The following ITIH5 variants were observed in gnomAD, a reference collection of about 807,000 sequenced individuals.
ITIH5 encodes the protein inter-alpha-trypsin inhibitor heavy chain 5, also known as inter-alpha-trypsin inhibitor heavy chain H5.
Under a neutral mutation model 77.5 loss-of-function variants are expected in ITIH5, and 65 were observed. That is an observed-to-expected ratio of 0.84 (90% CI 0.69 to 1.03). The LOEUF is 1.03. ITIH5 is among the 50% of genes least tolerant of loss of function. The pLI, the probability that ITIH5 is intolerant of heterozygous loss-of-function variation, is 0.00. For missense variants in ITIH5, 1,208 were observed against 1,213.1 expected, an observed-to-expected ratio of 1.00 and a Z score of 0.06; for synonymous variants, 525 against 494.3, an observed-to-expected ratio of 1.06 and a Z score of -0.82.
At chr10:7,582,082 G>A (rs181040128) in intron 8 of ITIH5, among the ~76,000 whole-genome samples, 91 of 151,780 alleles carry the variant, frequency 6.0e-4, no homozygotes, top group Middle Eastern at 3.4e-3. Flanking sequence ...TCACCATGTT[G>A]GCCAGGCTGG....
In ITIH5 at chr10:7,566,034, C is replaced by T; in HGVS notation, c.2523G>A (p.Leu841=). Residue 841 remains leucine, a synonymous_variant, in exon 13 of 14, where the codon CTG becomes CTA. Coordinates refer to ENST00000397146, the MANE Select transcript of ITIH5 (RefSeq NM_030569.7). ...SEGLSSNCHG[L]LGQFLNQDAR... is the part of the protein sequence containing the mutation. ...GAGGAGAGCGCAGCTTCCTACCCAG[C>T]AGTCCGTGGCAGTTGCTGGAAAGGC... 6.2e-7 allele frequency: 1 copy of T among 1,613,172 alleles called. No individual in the cohort carries two copies. Among genetic ancestry groups the T allele is most frequent in the Non-Finnish European group, 8.5e-7 (1 of 1,179,448 alleles).
In ITIH5 at chr10:7,640,814, C is replaced by G; in HGVS notation, c.341G>C (p.Arg114Thr). Reference sequence around the variant, plus strand: ...TACCCTATCACCACTCTTCTTTTCTCTCTCTGTAATTTCGCCCTGATACAC... The same window carrying G: ...TACCCTATCACCACTCTTCTTTTCTGTCTCTGTAATTTCGCCCTGATACAC... ...DKVYQGEITEREKKSGDRVKE... is the reference protein window; with the variant it reads ...DKVYQGEITETEKKSGDRVKE... The change falls in exon 4 of 14, where the codon AGA (arginine) becomes ACA (threonine). Residue 114 changes from arginine to threonine, a missense_variant. By Grantham distance (71) the Arg-to-Thr change is moderately conservative. Coordinates refer to ENST00000397146, the MANE Select transcript of ITIH5 (RefSeq NM_030569.7). 1 of 1,613,440 alleles carries G rather than the reference C, an allele frequency of 6.2e-7. No individual in the cohort carries two copies. Among genetic ancestry groups the G allele is most frequent in the East Asian group, 2.2e-5 (1 of 44,866 alleles).
At position 7,566,217 on chromosome 10, in the gene ITIH5, C is replaced by G. The variant is rs745690762; in HGVS notation, c.2340G>C (p.Val780=). 7.4e-6 allele frequency: 12 copies of G among 1,613,808 alleles called. No individual in the cohort carries two copies. Among genetic ancestry groups the G allele is most frequent in the Non-Finnish European group, 8.5e-6 (10 of 1,179,926 alleles). Reference sequence around the variant, plus strand: ...ACACCTCCAGCCCCCAGCTCCCCACCACCACACTCTGGTTGCAGGGGAGCA... The same window carrying G: ...ACACCTCCAGCCCCCAGCTCCCCACGACCACACTCTGGTTGCAGGGGAGCA... ...RLVLPCNQSV[V]VGSWGLEVSV... Residue 780 remains valine (V), a synonymous_variant, in exon 13 of 14, where the codon GTG becomes GTC. Coordinates refer to ENST00000397146, the MANE Select transcript of ITIH5 (RefSeq NM_030569.7).
rs181584413 is a variant in ITIH5 at position 7,570,561 on chromosome 10, T to A, written c.2033-777A>T. Among the ~76,000 whole-genome samples, 404 of 152,350 alleles carry A rather than the reference T, an allele frequency of 2.7e-3. 1 individual carries two copies. Among genetic ancestry groups the A allele is most frequent in the African/African-American group, 9.2e-3 (384 of 41,582 alleles). ...ACAGAAGATTTCTTGAGAATCTATA[T>A]CAATTCTCTTACCAGATTGGAGATT... is the stretch of plus-strand genomic sequence containing the variant. On this transcript the variant is annotated intron_variant, in intron 11 of 13. Coordinates refer to ENST00000397146, the MANE Select transcript of ITIH5 (RefSeq NM_030569.7).
At chr10:7,629,341 ATGTTGTAGCGTGTGTCCC>A (rs1564269780) in intron 5 of ITIH5, among the ~76,000 whole-genome samples, 12 of 68,510 alleles carry the variant, frequency 1.8e-4, no homozygotes, top group South Asian at 9.1e-4. Context: ...GCGTGTGCCC[ATGTTGTAGCGTGTGTCCC>A]TGTTGTAGCG....
intron 13 of ITIH5, among the ~76,000 whole-genome samples, chr10:7,565,659 CACAT>C (rs1293818046): frequency 6.7e-5 from 10 of 148,480 alleles, no homozygotes; most frequent in East Asian, 5.8e-4. Flanking sequence ...TATATACACA[CACAT>C]ACATATACAG....
chr10:7,581,927 A>G (rs7079682), intron 8 of ITIH5, among the ~76,000 whole-genome samples: 1,588 of 142,190 alleles, frequency 0.011, 27 homozygotes, highest in African/African-American at 0.027. Context: ...CCAAGGTGGA[A>G]TGCAGTGGCG....
At chr10:7,621,479 T>C (rs1310233125) in intron 5 of ITIH5, 1 of 152,166 alleles carries the variant, frequency 6.6e-6, no homozygotes, top group African/African-American at 2.4e-5. Context: ...ATTCATGAGA[T>C]TCAACTAAAT....
At chr10:7,607,429 TGAGTCCAG>T (rs1458165441) in intron 7 of ITIH5, among the ~76,000 whole-genome samples, 8 of 152,174 alleles carry the variant, frequency 5.3e-5, no homozygotes, top group African/African-American at 9.7e-5. Context: ...GAGGATCGCT[TGAGTCCAG>T]GAGTTCAAAA....
At chr10:7,580,363 G>A (rs182774620) in intron 8 of ITIH5, among the ~76,000 whole-genome samples, 11 of 152,140 alleles carry the variant, frequency 7.2e-5, no homozygotes, top group Admixed American at 2.0e-4. Context: ...CAAGTAATCC[G>A]CCCACCTTGG....
At chr10:7,645,218 C>A (rs1434108280) in intron 2 of ITIH5, among the ~76,000 whole-genome samples, 1 of 151,746 alleles carries the variant, frequency 6.6e-6, no homozygotes, top group Non-Finnish European at 1.5e-5. Flanking sequence ...AAGGGATAAA[C>A]ATTTACAGTT....
At chr10:7,590,359 T>C (rs1832769302) in intron 7 of ITIH5, among the ~76,000 whole-genome samples, 1 of 152,200 alleles carries the variant, frequency 6.6e-6, no homozygotes, top group Non-Finnish European at 1.5e-5. Flanking sequence ...TTTTTCTTAA[T>C]ACAAAAATAT....
chr10:7,567,167 G>A (rs1005032757), intron 12 of ITIH5, among the ~76,000 whole-genome samples: 1 of 151,360 alleles, frequency 6.6e-6, no homozygotes, highest in African/African-American at 2.4e-5. Flanking sequence ...TATCGTAGAT[G>A]GAGGCATGAA....
chr10:7,612,076 T>C (rs771440348), intron 7 of ITIH5, among the ~76,000 whole-genome samples: 3 of 152,150 alleles, frequency 2.0e-5, no homozygotes, highest in African/African-American at 4.8e-5. Context: ...CACAAATGAA[T>C]TGGTACTCTT....
intron 13 of ITIH5, among the ~76,000 whole-genome samples, chr10:7,565,475 A>G (rs1394522403): frequency 6.6e-6 from 1 of 150,676 alleles, no homozygotes; most frequent in African/African-American, 2.4e-5. Flanking sequence ...ACATATGTAC[A>G]TATACAGACT....
At chr10:7,570,694 C>A (rs1832279266) in intron 11 of ITIH5, among the ~76,000 whole-genome samples, 2 of 152,312 alleles carry the variant, frequency 1.3e-5, no homozygotes, top group African/African-American at 4.8e-5. Flanking sequence ...GCAATCAGAG[C>A]TCACTGCAGC....
intron 1 of ITIH5, among the ~76,000 whole-genome samples, chr10:7,662,186 C>G (rs1362116705): frequency 6.6e-6 from 1 of 152,008 alleles, no homozygotes; most frequent in Non-Finnish European, 1.5e-5. Flanking sequence ...GGTAAAGCCC[C>G]GTCTCTACAA....
Position 7,573,439 on chromosome 10 carries a change from G to A in ITIH5, c.1979-244C>T, listed in dbSNP as rs563263280. 7.1e-4 allele frequency among the ~76,000 whole-genome samples: 108 copies of A among 151,936 alleles called. 1 individual carries two copies. The highest frequency in any genetic ancestry group is 7.1e-3 in the South Asian group (34 of 4,802). On this transcript the variant is annotated intron_variant, in intron 10 of 13. Transcript: ENST00000397146. ...CCCAGTGCTTCCGGAGGCCAAGGTGGGAGGATCACTGGAGCCCAGGAGTTC... is the reference window on the plus strand; with the variant it reads ...CCCAGTGCTTCCGGAGGCCAAGGTGAGAGGATCACTGGAGCCCAGGAGTTC...
At chr10:7,613,803 G>A (rs1339712573) in intron 7 of ITIH5, among the ~76,000 whole-genome samples, 9 of 152,064 alleles carry the variant, frequency 5.9e-5, no homozygotes, top group Non-Finnish European at 4.4e-5. Context: ...GTAGCTTAGG[G>A]GTGCTCTGGC....
Sources: gnomAD v4.1 joint callset for allele counts (sites outside exome capture counted in the v4.1 genomes callset) on GRCh38, gnomAD v4.1.1 for gene constraint, MANE v1.5 for transcripts, NCBI Gene and HGNC (gene_info 2026-07-23, HGNC 2026-07-21) for gene names.